The following WDR73 variants were observed in gnomAD, a reference collection of about 807,000 sequenced individuals.
WDR73 encodes the protein integrator complex assembly factor WDR73.
A neutral mutation model predicts 38.2 loss-of-function variants in WDR73; 30 were observed. That is an observed-to-expected ratio of 0.79 (90% confidence interval 0.59 to 1.06). WDR73 has a LOEUF of 1.06. Ranked by LOEUF, WDR73 falls within the 50% of genes least tolerant of loss-of-function variation. The pLI is 0.00. For missense variants in WDR73, 487 were observed against 467.0 expected (o/e 1.04, Z -0.40); for synonymous variants, 197 against 176.0 (o/e 1.12, Z -0.94).
intron 1 of WDR73, 104 bp downstream of exon 1, chr15:84,654,130 G>A: frequency 1.3e-6 from 2 of 1,493,526 alleles, no homozygotes; most frequent in Non-Finnish European, 9.3e-7. Context: ...GGCCACAGCT[G>A]GCCCACTCTG....
intron 7 of WDR73, chr15:84,644,496 G>T (rs921822453): frequency 2.0e-5 from 3 of 150,622 alleles, no homozygotes; most frequent in Admixed American, 2.0e-4. Context: ...TTGGCTTTTA[G>T]ATACCCACAT....
chr15:84,639,293 T>C lies in WDR73; in HGVS notation c.*4177A>G, dbSNP rs1896187517. On this transcript the variant is annotated 3_prime_UTR_variant, in exon 8 of 8. Transcript: ENST00000434634. The stretch of plus-strand genomic sequence containing the variant: ...TTTAGGGAGATGGTCAGTTTAGGTA[T>C]GTGTCTGAATTTTATTTAAGATAGA... 1.3e-5 allele frequency: 2 copies of C among 152,302 alleles called. No individual in the cohort carries two copies. Among genetic ancestry groups the C allele is most frequent in the South Asian group, 4.1e-4 (2 of 4,826 alleles). The allele number at this position is 152,302 out of a possible 1,614,324, so 9.4% of individuals were successfully genotyped here. A position where few individuals can be genotyped will look rare whatever the true frequency, so the allele number is the denominator to read the frequency against.
At chr15:84,649,496 G>C (rs1287780799) in intron 3 of WDR73, among the ~76,000 whole-genome samples, 1 of 150,316 alleles carries the variant, frequency 6.7e-6, no homozygotes, top group Non-Finnish European at 1.5e-5. Flanking sequence ...TTGAGACAGA[G>C]TCTCACTCTG....
intron 5 of WDR73, chr15:84,646,853 ACTGAATGGAACATC>A (rs1393325986): frequency 6.4e-6 from 1 of 155,386 alleles, no homozygotes; most frequent in Non-Finnish European, 1.4e-5. Flanking sequence ...TCTTTTTTAC[ACTGAATGGAACATC>A]CTTGGCTTTG....
Position 84,643,402 on chromosome 15 carries a change from A to G in WDR73, c.*68T>C. 6.6e-7 allele frequency: 1 copy of G among 1,518,024 alleles called. No individual in the cohort carries two copies. The highest frequency in any genetic ancestry group is 1.4e-5 in the African/African-American group (1 of 72,636). The allele number at this position is 1,518,024 out of a possible 1,614,324, so 94.0% of individuals were successfully genotyped here. ...AGGGACTGGTAGTCACTTGAGTCCT[A>G]CATGAGCACCCTTGCTACTACAGCA... On this transcript the variant is annotated 3_prime_UTR_variant, in exon 8 of 8. Transcript: ENST00000434634.
chr15:84,644,062 C>T (rs1596048591), intron 7 of WDR73: 1 of 255,672 alleles, frequency 3.9e-6, no homozygotes, highest in South Asian at 4.8e-5. Context: ...ATCCGTTGTG[C>T]ACCTGTTATG....
At chr15:84,651,943 C>A (rs1282478126) in intron 3 of WDR73, among the ~76,000 whole-genome samples, 3 of 152,198 alleles carry the variant, frequency 2.0e-5, no homozygotes, top group African/African-American at 7.2e-5. Context: ...TCTCAGCTCA[C>A]TACAACCTCC....
At chr15:84,648,420 CAT>C in intron 4 of WDR73, 115 bp downstream of exon 4, 1 of 735,738 alleles carries the variant, frequency 1.4e-6, no homozygotes, top group Non-Finnish European at 2.4e-6. Flanking sequence ...TGTGCACTCA[CAT>C]GTGCCTGTGT....
At position 84,654,170 on chromosome 15, in the gene WDR73, C is replaced by T. The variant is rs368501494; in HGVS notation, c.41+64G>A. The T allele has an allele frequency of 9.9e-5, 159 of 1,609,888 alleles. No individual in the cohort carries two copies. The African/African-American group carries it at 1.9e-3, about 19-fold the overall frequency. On this transcript the variant is annotated intron_variant, in intron 1 of 7. Coordinates refer to ENST00000434634, the MANE Select transcript of WDR73 (RefSeq NM_032856.5). ...AGGATCCCCAACGTGCCTCCACCCA[C>T]ACCCATCCGCCCGCCAGGCAAGCTC...
chr15:84,643,628 G>C lies in WDR73; in HGVS notation c.979C>G (p.His327Asp). Reference protein sequence around the residue: ...TRSQVEPLFTHRGHIFLDGNG... With the variant: ...TRSQVEPLFTDRGHIFLDGNG... ...CCATCTAGGAAGATGTGACCTCTGT[G>C]AGTGAAGAGAGGTTCTACTTGGCTC... Residue 327 changes from histidine to aspartate, a missense_variant, in exon 8 of 8, where the codon CAC (histidine) becomes GAC (aspartate). Transcript: ENST00000434634. The C allele has an allele frequency of 6.2e-7, 1 of 1,612,592 alleles. No homozygotes were observed. The highest frequency in any genetic ancestry group is 1.1e-5 in the South Asian group (1 of 90,622).
At position 84,652,968 on chromosome 15, in the gene WDR73, G is replaced by A. The variant is rs1596056716; in HGVS notation, c.110-166C>T. The stretch of plus-strand genomic sequence containing the variant: ...AGGTCTCGCTGTGTCAGCCAGGCTG[G>A]AGTGCAGTGGTCCGATCACAGCTCA... On this transcript the variant is annotated intron_variant, in intron 2 of 7. Coordinates refer to ENST00000434634, the MANE Select transcript of WDR73 (RefSeq NM_032856.5). 1.3e-5 allele frequency: 7 copies of A among 518,836 alleles called. No homozygotes were observed. The East Asian group carries it at 2.0e-4, about 15-fold the overall frequency. The allele number at this position is 518,836 out of a possible 1,614,324, so 32.1% of individuals were successfully genotyped here.
intron 5 of WDR73, 80 bp downstream of exon 5, chr15:84,647,810 A>C: frequency 7.1e-7 from 1 of 1,404,926 alleles, no homozygotes. Context: ...CTCCTTCTTA[A>C]CTGGCTCAGA....
chr15:84,646,138 G>T (rs1191123356), intron 6 of WDR73, 46 bp downstream of exon 6: 9 of 1,611,708 alleles, frequency 5.6e-6, no homozygotes, highest in Admixed American at 1.7e-5. Context: ...GGGCTGGGGG[G>T]TGATGCCGGC....
At chr15:84,652,655 C>T in intron 3 of WDR73, 59 bp downstream of exon 3, 1 of 1,082,806 alleles carries the variant, frequency 9.2e-7, no homozygotes, top group African/African-American at 1.6e-5. Flanking sequence ...ACAGGAGCTC[C>T]ACAAATGTTT....
In WDR73 at chr15:84,647,866, C is replaced by T. The variant is rs117223014; in HGVS notation, c.352+24G>A. The T allele has an allele frequency of 8.7e-6, 14 of 1,613,280 alleles. No homozygotes were observed. In the East Asian group the frequency reaches 2.9e-4, roughly 33 times the overall value. ...AGTCACACTTTCCTAGAACCCCAAA[C>T]CCCATCAAGTCAAATTCACTCACCA... is the stretch of plus-strand genomic sequence containing the variant. On this transcript the variant is annotated intron_variant, in intron 5 of 7. Transcript: ENST00000434634.
In WDR73 at chr15:84,648,604, A is replaced by T; in HGVS notation, c.220T>A (p.Phe74Ile). The T allele has an allele frequency of 6.2e-7, 1 of 1,613,888 alleles. No homozygotes were observed. The highest frequency in any genetic ancestry group is 8.5e-7 in the Non-Finnish European group (1 of 1,179,788). ...ENKGLFPERD[F>I]KVRHGGFSDR... ...GAAAATCCTCCATGGCGCACTTTGA[A>T]ATCTCTTTCTGGGAATAAGCCCTAA... Residue 74 changes from phenylalanine to isoleucine, a missense_variant, in exon 4 of 8, where the codon TTC becomes ATC. Phe to Ile is a conservative substitution (Grantham distance 21, BLOSUM62 0). Coordinates refer to ENST00000434634, the MANE Select transcript of WDR73 (RefSeq NM_032856.5).
rs1218716573 is a variant in WDR73, at chr15:84,654,214, C to A, written c.41+20G>T. ...CAAGCTCCAGGCCCAGCTCCCATGT[C>A]CCAGCCCCGTACGATTTACAAGCGC... On this transcript the variant is annotated intron_variant, in intron 1 of 7. Transcript: ENST00000434634. 3.1e-6 allele frequency: 5 copies of A among 1,603,714 alleles called. No individual in the cohort carries two copies. In the Admixed American group the frequency reaches 8.4e-5, roughly 27 times the overall value.
intron 6 of WDR73, 89 bp from the exon 7 acceptor site, chr15:84,645,925 AC>A (rs1567022140): frequency 6.3e-7 from 1 of 1,590,148 alleles, no homozygotes; most frequent in South Asian, 1.1e-5. Context: ...GTCCCTTCCC[AC>A]CAGTCCCAGG....
chr15:84,651,131 T>A (rs912617905), intron 3 of WDR73, among the ~76,000 whole-genome samples: 1 of 146,160 alleles, frequency 6.8e-6, no homozygotes. Flanking sequence ...AAAATTTTTT[T>A]AAGAAGTTTG....
Sources: gnomAD v4.1 joint callset for allele counts (sites outside exome capture counted in the v4.1 genomes callset) on GRCh38, gnomAD v4.1.1 for gene constraint, MANE v1.5 for transcripts, NCBI Gene and HGNC (gene_info 2026-07-23, HGNC 2026-07-21) for gene names.